Variants in PAK2 observed in about 807,000 individuals in gnomAD.
PAK2 encodes p21 (RAC1) activated kinase 2.
In PAK2, 21 loss-of-function variants were observed where a neutral mutation model predicts 65.9. The ratio of observed to expected loss-of-function variants is 0.32; its 90% CI spans 0.23 to 0.46. The LOEUF is 0.46. Among genes scored for constraint, PAK2 ranks in the 20% least tolerant of loss-of-function variants. PAK2 has a pLI of 1.00. For missense variants in PAK2, 324 were observed against 642.6 expected (o/e 0.50, Z 5.36); for synonymous variants, 204 against 219.7 (o/e 0.93, Z 0.63).
At chr3:196,780,322 C>A (rs1322858982) in intron 1 of PAK2, among the ~76,000 whole-genome samples, 1 of 152,182 alleles carries the variant, frequency 6.6e-6, no homozygotes, top group African/African-American at 2.4e-5. Flanking sequence ...GGGCCATTTA[C>A]AGAAGAAAGA....
intron 13 of PAK2, among the ~76,000 whole-genome samples, chr3:196,824,798 T>C (rs939537432): frequency 2.0e-5 from 3 of 150,872 alleles, no homozygotes; most frequent in Admixed American, 6.6e-5. Context: ...CTGGGCAACA[T>C]ATCGAGAATG....
chr3:196,754,283 T>C (rs1369478794), intron 1 of PAK2, among the ~76,000 whole-genome samples: 1 of 152,200 alleles, frequency 6.6e-6, no homozygotes, highest in Non-Finnish European at 1.5e-5. Flanking sequence ...TTTCTTTTGC[T>C]ATTAGGATCA....
chr3:196,806,535 G>C (rs781158957), intron 5 of PAK2, 44 bp from the exon 6 acceptor site: 10 of 1,178,512 alleles, frequency 8.5e-6, no homozygotes, highest in Non-Finnish European at 1.3e-5. Flanking sequence ...TCGCATTTAA[G>C]CCTATTGGAC....
intron 1 of PAK2, among the ~76,000 whole-genome samples, chr3:196,741,627 A>G (rs1224746759): frequency 6.6e-6 from 1 of 152,158 alleles, no homozygotes; most frequent in Non-Finnish European, 1.5e-5. Flanking sequence ...AATTCAGTGT[A>G]TTTTGTGTTT....
At chr3:196,803,196 G>T in intron 4 of PAK2, 32 bp downstream of exon 4, 1 of 1,527,786 alleles carries the variant, frequency 6.5e-7, no homozygotes, top group Non-Finnish European at 8.8e-7. Context: ...GGATCAGATG[G>T]AGATTTGTGA....
At chr3:196,785,374 G>A (rs899063823) in intron 2 of PAK2, among the ~76,000 whole-genome samples, 39 of 152,238 alleles carry the variant, frequency 2.6e-4, no homozygotes, top group African/African-American at 6.5e-4. Flanking sequence ...TGGGTTACAG[G>A]CTGTTCCCGT....
At chr3:196,800,335 T>C (rs1336794069) in intron 2 of PAK2, among the ~76,000 whole-genome samples, 1 of 152,026 alleles carries the variant, frequency 6.6e-6, no homozygotes, top group Non-Finnish European at 1.5e-5. Context: ...TGAGCTGAGA[T>C]CACGCCACTG....
chr3:196,774,914 A>G (rs1337569800), intron 1 of PAK2, among the ~76,000 whole-genome samples: 1 of 152,250 alleles, frequency 6.6e-6, no homozygotes, highest in Non-Finnish European at 1.5e-5. Context: ...CATTACTTGT[A>G]ATAGAAACTA....
chr3:196,751,903 C>T (rs1713616787), intron 1 of PAK2, among the ~76,000 whole-genome samples: 2 of 150,842 alleles, frequency 1.3e-5, no homozygotes, highest in Admixed American at 1.3e-4. Context: ...CCACCACTCT[C>T]AGCTAATTTT....
At chr3:196,808,516 G>A (rs557356606) in intron 7 of PAK2, among the ~76,000 whole-genome samples, 22 of 142,476 alleles carry the variant, frequency 1.5e-4, no homozygotes, top group Non-Finnish European at 3.0e-4. Flanking sequence ...AGCCGAGATC[G>A]CGCCACTGCA....
chr3:196,759,431 T>TA (rs1553800832), intron 1 of PAK2, among the ~76,000 whole-genome samples: 4 of 149,444 alleles, frequency 2.7e-5, no homozygotes, highest in South Asian at 2.2e-4. Flanking sequence ...CCTTAAATTT[T>TA]AAAAAAACAG....
intron 1 of PAK2, among the ~76,000 whole-genome samples, chr3:196,754,070 A>C (rs1221262872): frequency 6.6e-6 from 1 of 151,928 alleles, no homozygotes; most frequent in African/African-American, 2.4e-5. Context: ...TGTTGGCTTT[A>C]TTTCTGCTAT....
chr3:196,761,848 C>T (rs1713982348), intron 1 of PAK2, among the ~76,000 whole-genome samples: 3 of 147,686 alleles, frequency 2.0e-5, no homozygotes, highest in South Asian at 4.3e-4. Context: ...CCCCCCCCAC[C>T]TCCCTCCCGG....
chr3:196,763,216 C>T (rs1714043631), intron 1 of PAK2, among the ~76,000 whole-genome samples: 1 of 152,088 alleles, frequency 6.6e-6, no homozygotes, highest in African/African-American at 2.4e-5. Flanking sequence ...GACATCTGCC[C>T]TTTAGGGTGC....
At position 196,827,245 on chromosome 3, in the gene PAK2, A is replaced by G; in HGVS notation, c.1400A>G (p.Glu467Gly). The stretch of plus-strand genomic sequence containing the variant: ...GGAACCCCAGAACTTCAGAATCCAG[A>G]GAAACTTTCCCCAATATTTCGGGAT... ...TNGTPELQNP[E>G]KLSPIFRDFL... Residue 467 changes from glutamate (E) to glycine (G), a missense_variant, in exon 14 of 15, where the codon GAG (glutamate) becomes GGG (glycine). By Grantham distance (98) the Glu-to-Gly change is moderately conservative. Coordinates refer to ENST00000327134, the MANE Select transcript of PAK2 (RefSeq NM_002577.4). The G allele has an allele frequency of 6.2e-7, 1 of 1,611,270 alleles. No individual in the cohort carries two copies. Among genetic ancestry groups the G allele is most frequent in the Non-Finnish European group, 8.5e-7 (1 of 1,177,578 alleles).
At chr3:196,797,830 A>G (rs965480980) in intron 2 of PAK2, among the ~76,000 whole-genome samples, 2 of 152,224 alleles carry the variant, frequency 1.3e-5, no homozygotes, top group African/African-American at 2.4e-5. Context: ...ATTAGAAATC[A>G]GTCACAAGAA....
chr3:196,760,295 G>C (rs750407773), intron 1 of PAK2, among the ~76,000 whole-genome samples: 4 of 152,120 alleles, frequency 2.6e-5, no homozygotes, highest in Non-Finnish European at 5.9e-5. Context: ...CTGTCGCCCA[G>C]GCTGGAGCAC....
At chr3:196,815,502 AAAG>A (rs1221263138) in intron 11 of PAK2, among the ~76,000 whole-genome samples, 3 of 150,900 alleles carry the variant, frequency 2.0e-5, no homozygotes, top group African/African-American at 2.4e-5. Flanking sequence ...AAAAAAAAAA[AAAG>A]AGGCTGGGTA....
At chr3:196,780,990 A>G (rs926628677) in intron 1 of PAK2, among the ~76,000 whole-genome samples, 1 of 152,058 alleles carries the variant, frequency 6.6e-6, no homozygotes, top group Non-Finnish European at 1.5e-5. Flanking sequence ...GGGTTTCACC[A>G]TGTTAGCCAG....
Sources: allele counts gnomAD v4.1 joint callset (sites outside exome capture counted in the v4.1 genomes callset), GRCh38; gene constraint gnomAD v4.1.1; transcripts MANE v1.5; gene names NCBI Gene and HGNC (gene_info 2026-07-23, HGNC 2026-07-21).